SYT14: variants seen among roughly 807,000 people sequenced by gnomAD.
The protein encoded by SYT14 is synaptotagmin-14.
SYT14 carries 32 observed loss-of-function variants against 74.2 expected under a neutral mutation model. That is an observed-to-expected ratio of 0.43 (90% CI 0.33 to 0.58). The LOEUF is 0.58. Among genes scored for constraint, SYT14 ranks in the 20% least tolerant of loss-of-function variants. The pLI is 0.05. For missense variants in SYT14, 791 were observed against 981.8 expected, an observed-to-expected ratio of 0.81 and a Z score of 2.60; for synonymous variants, 298 against 337.7, an observed-to-expected ratio of 0.88 and a Z score of 1.29.
At chr1:209,968,138 A>G (rs1006733747) in intron 2 of SYT14, among the ~76,000 whole-genome samples, 12 of 152,184 alleles carry the variant, frequency 7.9e-5, no homozygotes, top group Non-Finnish European at 1.5e-4. Context: ...GCTTATATCT[A>G]TGCATAAGTT....
At chr1:209,941,054 C>A (rs574728917) in intron 1 of SYT14, among the ~76,000 whole-genome samples, 1 of 152,216 alleles carries the variant, frequency 6.6e-6, no homozygotes, top group East Asian at 1.9e-4. Flanking sequence ...CTGAACAGAT[C>A]GTTTATATCT....
rs554678786 is a variant in SYT14, at chr1:210,153,480, A to G, written c.2035-2241A>G. ...CAATAATGTTCATAGTTTTCTGTAT[A>G]GAGGCCTTGCATATCATTTGTTACA... On this transcript the variant is annotated intron_variant, in intron 7 of 9. Coordinates refer to ENST00000637265, the Ensembl canonical transcript of SYT14. 4.6e-5 allele frequency among the ~76,000 whole-genome samples: 7 copies of G among 152,318 alleles called. No homozygotes were observed. In the East Asian group the frequency reaches 1.2e-3, roughly 25 times the overall value.
chr1:210,096,199 T>C (rs1311025488), intron 6 of SYT14, among the ~76,000 whole-genome samples: 1 of 152,182 alleles, frequency 6.6e-6, no homozygotes, highest in Non-Finnish European at 1.5e-5. Context: ...CCAACCCAGG[T>C]CTGTCTGACT....
intron 2 of SYT14, among the ~76,000 whole-genome samples, chr1:209,998,579 A>T (rs2079838948): frequency 6.6e-6 from 1 of 152,078 alleles, no homozygotes. Context: ...GAACAGCATG[A>T]TGTTGATATT....
intron 5 of SYT14, among the ~76,000 whole-genome samples, chr1:210,040,534 A>C (rs1572199933): frequency 6.6e-6 from 1 of 152,220 alleles, no homozygotes; most frequent in Non-Finnish European, 1.5e-5. Context: ...AAAAGAAACC[A>C]AAGTGATATT....
intron 2 of SYT14, among the ~76,000 whole-genome samples, chr1:209,990,418 T>C (rs1233429658): frequency 1.3e-5 from 2 of 150,212 alleles, no homozygotes; most frequent in South Asian, 4.2e-4. Context: ...GCCCCCACCT[T>C]CCTTTTTAAA....
chr1:210,155,469 C>G (rs965649973), intron 7 of SYT14, among the ~76,000 whole-genome samples: 1 of 152,158 alleles, frequency 6.6e-6, no homozygotes, highest in Non-Finnish European at 1.5e-5. Flanking sequence ...AGCAACATTG[C>G]TCTTATTTCC....
chr1:210,119,120 A>G (rs2082411937), intron 7 of SYT14, among the ~76,000 whole-genome samples: 1 of 152,188 alleles, frequency 6.6e-6, no homozygotes, highest in South Asian at 2.1e-4. Context: ...TTTATCAGCA[A>G]ACTACTAGTA....
intron 5 of SYT14, among the ~76,000 whole-genome samples, chr1:210,082,496 A>T (rs1057356750): frequency 6.6e-6 from 1 of 152,180 alleles, no homozygotes; most frequent in African/African-American, 2.4e-5. Context: ...TTTTCTACTC[A>T]GTTAGCTAGT....
chr1:209,980,158 G>C (rs551130873), intron 2 of SYT14, among the ~76,000 whole-genome samples: 12 of 152,080 alleles, frequency 7.9e-5, no homozygotes, highest in Non-Finnish European at 1.3e-4. Flanking sequence ...GTTCTTACTG[G>C]TGTAAGATGG....
chr1:210,011,969 A>T (rs142229492), intron 2 of SYT14, among the ~76,000 whole-genome samples: 19 of 152,324 alleles, frequency 1.2e-4, no homozygotes, highest in African/African-American at 4.6e-4. Flanking sequence ...GGACTGGAGA[A>T]GCTGTCTTTT....
chr1:209,983,556 CT>C (rs1308131839), intron 2 of SYT14, among the ~76,000 whole-genome samples: 1 of 151,984 alleles, frequency 6.6e-6, no homozygotes, highest in Non-Finnish European at 1.5e-5. Context: ...TATTTGGTTT[CT>C]TTTTATAATT....
chr1:209,944,928 A>G (rs2078798188), intron 1 of SYT14, among the ~76,000 whole-genome samples: 1 of 152,204 alleles, frequency 6.6e-6, no homozygotes, highest in Admixed American at 6.5e-5. Context: ...TTTATGTTCT[A>G]CTTGGTGAAG....
chr1:209,948,035 C>G (rs1028287278), intron 1 of SYT14, among the ~76,000 whole-genome samples: 6 of 152,172 alleles, frequency 3.9e-5, no homozygotes, highest in Non-Finnish European at 8.8e-5. Context: ...TGATATTGCA[C>G]ACTTAATAGA....
At chr1:209,995,872 T>A (rs2079780678) in intron 2 of SYT14, among the ~76,000 whole-genome samples, 1 of 142,290 alleles carries the variant, frequency 7.0e-6, no homozygotes, top group Admixed American at 6.6e-5. Context: ...AACAACTTAC[T>A]CTTGAAACTC....
At chr1:209,986,363 T>C (rs557634939) in intron 2 of SYT14, among the ~76,000 whole-genome samples, 1 of 152,188 alleles carries the variant, frequency 6.6e-6, no homozygotes, top group African/African-American at 2.4e-5. Flanking sequence ...CCTAGCACTT[T>C]GGGAGGCCAA....
chr1:209,974,348 T>G (rs1386538326), intron 2 of SYT14, among the ~76,000 whole-genome samples: 2 of 152,256 alleles, frequency 1.3e-5, no homozygotes, highest in Non-Finnish European at 2.9e-5. Flanking sequence ...GTTTCAGGTC[T>G]AACATTTACA....
chr1:210,107,138 T>G (rs751435001), intron 7 of SYT14, among the ~76,000 whole-genome samples: 21 of 152,242 alleles, frequency 1.4e-4, no homozygotes, highest in Non-Finnish European at 2.2e-4. Context: ...ATCCAGGTCA[T>G]GCTGATGCAA....
intron 2 of SYT14, among the ~76,000 whole-genome samples, chr1:209,977,315 A>G (rs2079386573): frequency 6.6e-6 from 1 of 152,030 alleles, no homozygotes; most frequent in Non-Finnish European, 1.5e-5. Context: ...TGTCTTTACA[A>G]TTTGGCATGT....
Sources: gnomAD v4.1 joint callset for allele counts (sites outside exome capture counted in the v4.1 genomes callset) on GRCh38, gnomAD v4.1.1 for gene constraint, MANE v1.5 for transcripts, NCBI Gene and HGNC (gene_info 2026-07-23, HGNC 2026-07-21) for gene names.